Variants in GALNT7 observed in about 807,000 individuals in gnomAD.
GALNT7 encodes the protein polypeptide N-acetylgalactosaminyltransferase 7, also known as N-acetylgalactosaminyltransferase 7.
A neutral mutation model predicts 82.1 loss-of-function variants in GALNT7; 60 were observed. The observed-to-expected ratio is 0.73, with a 90% confidence interval of 0.59 to 0.91. The LOEUF (loss-of-function observed/expected upper bound fraction) is 0.91. Ranked by LOEUF, GALNT7 falls within the 40% of genes least tolerant of loss-of-function variation. GALNT7 has a pLI of 0.00. For synonymous variants in GALNT7, 243 were observed against 275.1 expected, an observed-to-expected ratio of 0.88 and a Z score of 1.15; for missense variants, 660 against 804.2, an observed-to-expected ratio of 0.82 and a Z score of 2.17.
At chr4:173,194,631 T>C (rs1045986134) in intron 1 of GALNT7, among the ~76,000 whole-genome samples, 1 of 152,194 alleles carries the variant, frequency 6.6e-6, no homozygotes, top group Non-Finnish European at 1.5e-5. Flanking sequence ...GATAAATTTA[T>C]TTATTTATTA....
In GALNT7 at chr4:173,295,434, T is replaced by C; in HGVS notation, c.793T>C (p.Trp265Arg). The C allele has an allele frequency of 6.2e-7, 1 of 1,600,692 alleles. No individual in the cohort carries two copies. Among genetic ancestry groups the C allele is most frequent in the South Asian group, 1.1e-5 (1 of 90,782 alleles). Residue 265 changes from tryptophan (W) to arginine (R), a missense_variant, in exon 4 of 12, where the codon TGG becomes CGG. This residue lies in a region of GALNT7 where 527 missense variants were observed against 683.5 expected (regional missense o/e 0.77). Transcript: ENST00000265000. ...KEKLDEYIKL[W>R]NGLVKVFRNE... ...AAAACTGGATGAATATATTAAGCTGTGGAATGGCCTAGTGAAGGTATTTCG... is the reference window on the plus strand; with the variant it reads ...AAAACTGGATGAATATATTAAGCTGCGGAATGGCCTAGTGAAGGTATTTCG...
rs573598306 is a variant in GALNT7 at position 173,207,856 on chromosome 4, G to A, written c.126+38895G>A. Among the ~76,000 whole-genome samples, 18 of 152,238 alleles carry A rather than the reference G, an allele frequency of 1.2e-4. No individual in the cohort carries two copies. The South Asian group carries it at 3.3e-3, about 28-fold the overall frequency. On this transcript the variant is annotated intron_variant, in intron 1 of 11. Coordinates refer to ENST00000265000, the MANE Select transcript of GALNT7 (RefSeq NM_017423.3). ...TTTACCAATAACTGAACACCTTTGTGGACAATGGATATTTTCATTTCAGAT... is the reference window on the plus strand; with the variant it reads ...TTTACCAATAACTGAACACCTTTGTAGACAATGGATATTTTCATTTCAGAT...
chr4:173,217,032 T>C (rs1421925196), intron 1 of GALNT7, among the ~76,000 whole-genome samples: 3 of 151,904 alleles, frequency 2.0e-5, no homozygotes, highest in African/African-American at 7.3e-5. Context: ...TGCCTGGCCC[T>C]TATTATATAT....
intron 1 of GALNT7, among the ~76,000 whole-genome samples, chr4:173,177,154 C>G (rs1732074313): frequency 6.6e-6 from 1 of 152,028 alleles, no homozygotes. Context: ...ATTACTTGGC[C>G]CCATCCCCCG....
At chr4:173,216,923 G>T (rs1464673777) in intron 1 of GALNT7, among the ~76,000 whole-genome samples, 1 of 150,808 alleles carries the variant, frequency 6.6e-6, no homozygotes, top group African/African-American at 2.4e-5. Context: ...TAGAGACGAG[G>T]TTTCACCATG....
chr4:173,220,031 A>G (rs1561159114), intron 1 of GALNT7, among the ~76,000 whole-genome samples: 1 of 151,982 alleles, frequency 6.6e-6, no homozygotes, highest in African/African-American at 2.4e-5. Flanking sequence ...TTTTTGTTGC[A>G]TTTGCTTTTG....
intron 1 of GALNT7, among the ~76,000 whole-genome samples, chr4:173,229,025 T>G (rs1733933303): frequency 6.6e-6 from 1 of 152,244 alleles, no homozygotes; most frequent in Non-Finnish European, 1.5e-5. Flanking sequence ...TTTTATTTAC[T>G]TCATATTGTC....
chr4:173,214,305 C>G (rs568022874), intron 1 of GALNT7, among the ~76,000 whole-genome samples: 1 of 151,330 alleles, frequency 6.6e-6, no homozygotes, highest in South Asian at 2.1e-4. Flanking sequence ...AAAAAAAACC[C>G]TTAAGAGACC....
chr4:173,230,780 A>T (rs1734005057), intron 1 of GALNT7, among the ~76,000 whole-genome samples: 1 of 152,136 alleles, frequency 6.6e-6, no homozygotes, highest in Admixed American at 6.5e-5. Context: ...GAGGGGAGAA[A>T]AATGGAACTC....
chr4:173,313,879 A>T (rs1737483592), intron 8 of GALNT7, 79 bp from the exon 9 acceptor site: 2 of 562,044 alleles, frequency 3.6e-6, no homozygotes, highest in Non-Finnish European at 5.8e-6. Context: ...GGCCATTTTC[A>T]TGTGTCTAAT....
intron 2 of GALNT7, among the ~76,000 whole-genome samples, chr4:173,291,750 CA>C (rs1291420646): frequency 7.1e-6 from 1 of 140,786 alleles, no homozygotes; most frequent in Non-Finnish European, 1.5e-5. Flanking sequence ...TCTCTTGTGC[CA>C]AAAGCTCATT....
At chr4:173,248,631 G>T (rs2126740069) in intron 2 of GALNT7, among the ~76,000 whole-genome samples, 191 bp downstream of exon 2, 1 of 152,256 alleles carries the variant, frequency 6.6e-6, no homozygotes, top group Non-Finnish European at 1.5e-5. Context: ...TTGAAGGTGG[G>T]CTGTATAAAA....
At chr4:173,189,591 G>T (rs1732562281) in intron 1 of GALNT7, among the ~76,000 whole-genome samples, 1 of 152,202 alleles carries the variant, frequency 6.6e-6, no homozygotes, top group African/African-American at 2.4e-5. Flanking sequence ...AAATTTTTCT[G>T]CATAGGCAAG....
rs1294288622 is a variant in GALNT7, at chr4:173,297,573, C to T, written c.966-542C>T. On this transcript the variant is annotated intron_variant, in intron 5 of 11. Coordinates refer to ENST00000265000, the MANE Select transcript of GALNT7 (RefSeq NM_017423.3). ...AAGCTCAGTGATATAGTTCTTTGTC[C>T]CTGACATTTGTCTGTAAGCCTAGGG... Among the ~76,000 whole-genome samples, 5 of 152,236 alleles carry T rather than the reference C, an allele frequency of 3.3e-5. No individual in the cohort carries two copies. In the East Asian group the frequency reaches 5.8e-4, roughly 18 times the overall value.
chr4:173,205,141 C>A (rs1423446082), intron 1 of GALNT7, among the ~76,000 whole-genome samples: 2 of 152,044 alleles, frequency 1.3e-5, no homozygotes, highest in Admixed American at 6.5e-5. Context: ...ATCCCCTGTT[C>A]ATTGGATCTG....
intron 5 of GALNT7, chr4:173,297,825 C>A: frequency 1.4e-6 from 2 of 1,466,154 alleles, no homozygotes; most frequent in Non-Finnish European, 1.8e-6. Flanking sequence ...TAATAGATTA[C>A]ATAGATGGGA....
chr4:173,175,393 G>A (rs1732004992), intron 1 of GALNT7, among the ~76,000 whole-genome samples: 4 of 152,188 alleles, frequency 2.6e-5, no homozygotes, highest in Admixed American at 2.6e-4. Flanking sequence ...ATAGAGAGGT[G>A]AACTCTTTGT....
At chr4:173,252,448 G>A (rs776528167) in intron 2 of GALNT7, among the ~76,000 whole-genome samples, 18 of 152,202 alleles carry the variant, frequency 1.2e-4, no homozygotes, top group Non-Finnish European at 2.1e-4. Flanking sequence ...TCGTTCTTGC[G>A]GCTGTTGTGT....
intron 2 of GALNT7, among the ~76,000 whole-genome samples, chr4:173,256,194 T>C (rs972015686): frequency 6.6e-6 from 1 of 152,198 alleles, no homozygotes; most frequent in African/African-American, 2.4e-5. Flanking sequence ...TCACTCACTG[T>C]AGTTGCCGCT....
Sources: gnomAD v4.1 joint callset for allele counts (sites outside exome capture counted in the v4.1 genomes callset) on GRCh38, gnomAD v4.1.1 for gene constraint, gnomAD v4.1.1 regional missense constraint, MANE v1.5 for transcripts, NCBI Gene and HGNC (gene_info 2026-07-23, HGNC 2026-07-21) for gene names.